The following RNFT2 variants were observed in gnomAD, a reference collection of about 807,000 sequenced individuals.
RNFT2 encodes the protein E3 ubiquitin-protein ligase RNFT2.
A neutral mutation model predicts 53.0 loss-of-function variants in RNFT2; 36 were observed. The ratio of observed to expected loss-of-function variants is 0.68; its 90% CI spans 0.52 to 0.90. The LOEUF (loss-of-function observed/expected upper bound fraction) is 0.90. RNFT2 is among the 40% of genes least tolerant of loss of function. The pLI, the probability that RNFT2 is intolerant of heterozygous loss-of-function variation, is 0.00. For missense variants in RNFT2, 514 were observed against 585.6 expected (o/e 0.88, Z 1.26); for synonymous variants, 260 against 253.2 (o/e 1.03, Z -0.26).
chr12:116,747,997 C>T (rs549084030), intron 3 of RNFT2, among the ~76,000 whole-genome samples: 1 of 152,086 alleles, frequency 6.6e-6, no homozygotes, highest in South Asian at 2.1e-4. Flanking sequence ...TCAATACCAG[C>T]CTGGCCAACG....
chr12:116,845,274 T>TAGAGAGAGAGAG (rs3069215), intron 10 of RNFT2, among the ~76,000 whole-genome samples: 2 of 125,428 alleles, frequency 1.6e-5, no homozygotes, highest in Non-Finnish European at 3.2e-5. Context: ...TATATATATA[T>TAGAGAGAGAGAG]AGAGAGAGAG....
chr12:116,776,303 A>G (rs1428713538), intron 6 of RNFT2, among the ~76,000 whole-genome samples: 1 of 152,126 alleles, frequency 6.6e-6, no homozygotes, highest in Non-Finnish European at 1.5e-5. Flanking sequence ...AATGGAAAGG[A>G]TAAGGCAGAT....
Position 116,849,254 on chromosome 12 carries a change from C to T in RNFT2, c.1201-60C>T, listed in dbSNP as rs147877999. The T allele has an allele frequency of 5.5e-3, 7,860 of 1,418,128 alleles. 33 individuals are homozygous for T. The highest frequency in any genetic ancestry group is 6.8e-3 in the Non-Finnish European group (7,123 of 1,048,778). 87.8% of individuals were successfully genotyped at this position (1,418,128 alleles called of 1,614,324 possible). On this transcript the variant is annotated intron_variant, in intron 10 of 10. Transcript: ENST00000257575. ...AGTCCGCTGCCCCTTCTCCTGCTCC[C>T]GAGACCGAGGCAGACGCTCAGTAAA...
chr12:116,757,373 G>A (rs994981003), intron 5 of RNFT2, among the ~76,000 whole-genome samples: 7 of 151,894 alleles, frequency 4.6e-5, no homozygotes, highest in African/African-American at 1.7e-4. Flanking sequence ...GTTTGGATTT[G>A]GTTTCTTCTT....
intron 10 of RNFT2, among the ~76,000 whole-genome samples, chr12:116,836,854 C>T (rs1004836603): frequency 7.9e-5 from 12 of 151,802 alleles, no homozygotes; most frequent in African/African-American, 2.4e-4. Flanking sequence ...TGCTTGAACG[C>T]GGGAGGCAGA....
chr12:116,795,097 T>A (rs1450849488), intron 7 of RNFT2, among the ~76,000 whole-genome samples: 2 of 151,560 alleles, frequency 1.3e-5, no homozygotes, highest in African/African-American at 4.9e-5. Flanking sequence ...ATTTGATGTG[T>A]CCACATTGCC....
Position 116,851,787 on chromosome 12 carries a change from GA to G in RNFT2, c.*2341del, listed in dbSNP as rs1565879047. The G allele has an allele frequency of 3.6e-6, 3 of 840,146 alleles. No individual in the cohort carries two copies. The African/African-American group carries it at 5.4e-5, about 15-fold the overall frequency. The allele number at this position is 840,146 out of a possible 1,614,324, so 52.0% of individuals were successfully genotyped here. A position where few individuals can be genotyped will look rare whatever the true frequency, so the allele number is the denominator to read the frequency against. On this transcript the variant is annotated 3_prime_UTR_variant, in exon 11 of 11. Transcript: ENST00000257575. ...AGAAGGGAGGGAGGGAGGAAGGAAGGAAGGAAGGAAAGAAAGAAAGGTCAGC... is the reference window on the plus strand; with the variant it reads ...AGAAGGGAGGGAGGGAGGAAGGAAGGAGGAAGGAAAGAAAGAAAGGTCAGC...
rs865789424 is a variant in RNFT2 at position 116,841,834 on chromosome 12, A to T, written c.1200+5552A>T. On this transcript the variant is annotated intron_variant, in intron 10 of 10. Coordinates refer to ENST00000257575, the MANE Select transcript of RNFT2 (RefSeq NM_001382266.1). ...ATATATATAAAAATATATATATATA[A>T]ATATATATATAAATATATATAAAAA... 2.4e-3 allele frequency among the ~76,000 whole-genome samples: 71 copies of T among 30,014 alleles called. 1 individual carries two copies. Among genetic ancestry groups the T allele is most frequent in the African/African-American group, 5.5e-3 (37 of 6,748 alleles). The allele number at this position is 30,014 out of a possible 152,430, so 19.7% of individuals were successfully genotyped here. A position where few individuals can be genotyped will look rare whatever the true frequency, so the allele number is the denominator to read the frequency against.
chr12:116,824,114 A>G (rs1360963001), intron 7 of RNFT2, among the ~76,000 whole-genome samples: 2 of 152,102 alleles, frequency 1.3e-5, no homozygotes, highest in East Asian at 1.9e-4. Context: ...GGTCTTTCCC[A>G]TGGTATTTCT....
At chr12:116,807,608 C>T (rs772340702) in intron 7 of RNFT2, among the ~76,000 whole-genome samples, 1 of 152,094 alleles carries the variant, frequency 6.6e-6, no homozygotes, top group Admixed American at 6.5e-5. Flanking sequence ...ATTCCCCACT[C>T]GCACTCCCCT....
intron 7 of RNFT2, among the ~76,000 whole-genome samples, chr12:116,821,733 T>A (rs1428238417): frequency 6.6e-6 from 1 of 151,116 alleles, no homozygotes; most frequent in African/African-American, 2.4e-5. Context: ...GAAATGCAGA[T>A]TCCTGGCCCT....
At chr12:116,777,807 A>G (rs1021140845) in intron 6 of RNFT2, among the ~76,000 whole-genome samples, 1 of 152,180 alleles carries the variant, frequency 6.6e-6, no homozygotes. Flanking sequence ...TTCCAGAGAT[A>G]ACTTTATTTG....
intron 7 of RNFT2, among the ~76,000 whole-genome samples, chr12:116,788,826 A>ATGGATGGATG (rs1874059782): frequency 2.9e-4 from 44 of 150,068 alleles, no homozygotes; most frequent in Admixed American, 1.6e-3. Context: ...ATGGATGGAT[A>ATGGATGGATG]GATGGATGGA....
chr12:116,796,808 C>A (rs558103383), intron 7 of RNFT2, among the ~76,000 whole-genome samples: 17 of 152,284 alleles, frequency 1.1e-4, no homozygotes, highest in African/African-American at 4.1e-4. Context: ...GCATAACATT[C>A]TGTGTGTAAA....
intron 5 of RNFT2, among the ~76,000 whole-genome samples, chr12:116,763,855 T>C (rs1872798292): frequency 6.6e-6 from 1 of 151,916 alleles, no homozygotes; most frequent in South Asian, 2.1e-4. Context: ...CTACTAGGCA[T>C]CTACCCAGAG....
chr12:116,822,604 A>T (rs1048215177), intron 7 of RNFT2, among the ~76,000 whole-genome samples: 1 of 152,220 alleles, frequency 6.6e-6, no homozygotes, highest in African/African-American at 2.4e-5. Context: ...CATCACCACC[A>T]CTACTACCAC....
At chr12:116,834,298 T>C (rs903627620) in intron 8 of RNFT2, among the ~76,000 whole-genome samples, 8 of 152,032 alleles carry the variant, frequency 5.3e-5, no homozygotes, top group Non-Finnish European at 1.2e-4. Flanking sequence ...TTTGTATATT[T>C]AGTAGAGACA....
At chr12:116,754,650 T>C (rs1168206859) in intron 5 of RNFT2, among the ~76,000 whole-genome samples, 1 of 152,218 alleles carries the variant, frequency 6.6e-6, no homozygotes, top group Non-Finnish European at 1.5e-5. Flanking sequence ...CTAGCATCTA[T>C]TGTTTTTTGA....
rs1877800202 is a variant in RNFT2 at position 116,849,469 on chromosome 12, CAGA to C, written c.*24_*26del. The C allele has an allele frequency of 1.9e-6, 3 of 1,569,412 alleles. No homozygotes were observed. The highest frequency in any genetic ancestry group is 3.5e-5 in the Admixed American group (2 of 57,918). On this transcript the variant is annotated 3_prime_UTR_variant, in exon 11 of 11. Transcript: ENST00000257575. ...ACTAGGACCGAACACTGAGGACACC[CAGA>C]AGGACGCCAAGGGTCAGCATGCCCG...
Sources: gnomAD v4.1 joint callset for allele counts (sites outside exome capture counted in the v4.1 genomes callset) on GRCh38, gnomAD v4.1.1 for gene constraint, MANE v1.5 for transcripts, NCBI Gene and HGNC (gene_info 2026-07-23, HGNC 2026-07-21) for gene names.